The following LRP6 variants were observed in gnomAD, a reference collection of about 807,000 sequenced individuals.
LRP6 encodes the protein LDL receptor related protein 6.
In LRP6, 43 loss-of-function variants were observed where a neutral mutation model predicts 184.1. That is an observed-to-expected ratio of 0.23 (90% CI 0.18 to 0.30). The LOEUF (loss-of-function observed/expected upper bound fraction) is 0.30, where lower values mean the gene tolerates loss of function less well. Ranked by LOEUF, LRP6 falls within the 10% of genes least tolerant of loss-of-function variation. LRP6 has a pLI of 1.00. For synonymous variants in LRP6, 719 were observed against 684.9 expected (o/e 1.05, Z -0.78); for missense variants, 1,571 against 2,005.3 (o/e 0.78, Z 4.14).
At chr12:12,163,872 G>A (rs1360176037) in intron 9 of LRP6, among the ~76,000 whole-genome samples, 3 of 152,130 alleles carry the variant, frequency 2.0e-5, no homozygotes, top group Non-Finnish European at 2.9e-5. Context: ...GGTGGCTCAC[G>A]CCTGTAATCC....
At chr12:12,242,666 C>T (rs555430650) in intron 2 of LRP6, among the ~76,000 whole-genome samples, 3 of 152,352 alleles carry the variant, frequency 2.0e-5, no homozygotes, top group South Asian at 2.1e-4. Context: ...CTCCTCAGGA[C>T]ATCCAATCGT....
chr12:12,141,851 G>T (rs2136895663), intron 15 of LRP6, among the ~76,000 whole-genome samples: 1 of 152,260 alleles, frequency 6.6e-6, no homozygotes. Context: ...AAGTAATTAA[G>T]TCTAGACTTA....
intron 2 of LRP6, among the ~76,000 whole-genome samples, chr12:12,232,317 GAGC>G (rs1421398370): frequency 6.6e-6 from 1 of 151,216 alleles, no homozygotes; most frequent in East Asian, 1.9e-4. Flanking sequence ...CCAGGAGGCA[GAGC>G]CTGCAGTGAG....
At chr12:12,200,089 G>A (rs546114006) in intron 3 of LRP6, among the ~76,000 whole-genome samples, 6 of 151,204 alleles carry the variant, frequency 4.0e-5, no homozygotes, top group Non-Finnish European at 7.4e-5. Context: ...GGACATGAGT[G>A]CATGAGGGTG....
At chr12:12,218,476 CAAT>C (rs71435901) in intron 2 of LRP6, among the ~76,000 whole-genome samples, 34,517 of 139,670 alleles carry the variant, frequency 0.25, 4,458 homozygotes, top group African/African-American at 0.32. Flanking sequence ...GACCCTCTCT[CAAT>C]AATAATAATA....
intron 2 of LRP6, among the ~76,000 whole-genome samples, chr12:12,219,004 C>A (rs1260074017): frequency 6.6e-6 from 1 of 151,854 alleles, no homozygotes; most frequent in Non-Finnish European, 1.5e-5. Context: ...TTTGGGAGGC[C>A]GAGGCGGGTG....
chr12:12,215,683 G>A (rs1864324759), intron 2 of LRP6, among the ~76,000 whole-genome samples: 1 of 150,290 alleles, frequency 6.7e-6, no homozygotes, highest in South Asian at 2.2e-4. Context: ...AGTAGACAGT[G>A]TTTTCAGGTA....
Position 12,161,633 on chromosome 12 carries a change from A to T in LRP6, c.2279+560T>A, listed in dbSNP as rs377711412. Among the ~76,000 whole-genome samples, 807 of 152,280 alleles carry T rather than the reference A, an allele frequency of 5.3e-3. 9 individuals are homozygous for T. The highest frequency in any genetic ancestry group is 0.018 in the African/African-American group (741 of 41,546). ...TTCAGATTTCTTAGCTGCCGGCTTT[A>T]AAAAATTTGCTGACTCTTGTAAAAA... On this transcript the variant is annotated intron_variant, in intron 10 of 22. Coordinates refer to ENST00000261349, the MANE Select transcript of LRP6 (RefSeq NM_002336.3).
In LRP6 at chr12:12,156,054, G is replaced by A. The variant is rs571786968; in HGVS notation, c.2791+2775C>T. 2.0e-5 allele frequency among the ~76,000 whole-genome samples: 3 copies of A among 152,146 alleles called. No individual in the cohort carries two copies. In the South Asian group the frequency reaches 6.2e-4, roughly 32 times the overall value. ...GACAATAAGCAACAAATATAATAAA[G>A]AAGGAAGTGACATAAATAGTAGAGT... On this transcript the variant is annotated intron_variant, in intron 12 of 22. Transcript: ENST00000261349.
rs1454146497 is a variant in LRP6 at position 12,119,680 on chromosome 12, CT to C, written c.*1445del. ...AATCCTCATTGTTAAATTTGTTAAA[CT>C]ATCTTAATCCATAATGGGTAAGAGA... On this transcript the variant is annotated 3_prime_UTR_variant, in exon 23 of 23. Coordinates refer to ENST00000261349, the MANE Select transcript of LRP6 (RefSeq NM_002336.3). 6.6e-6 allele frequency: 1 copy of C among 152,034 alleles called. No homozygotes were observed. The highest frequency in any genetic ancestry group is 1.9e-4 in the East Asian group (1 of 5,192). The allele number at this position is 152,034 out of a possible 1,614,324, so 9.4% of individuals were successfully genotyped here.
chr12:12,257,558 G>A (rs530567485), intron 1 of LRP6, among the ~76,000 whole-genome samples: 1 of 146,046 alleles, frequency 6.8e-6, no homozygotes, highest in Non-Finnish European at 1.5e-5. Context: ...TCCAGCCTGG[G>A]CGACAGAGCA....
At chr12:12,264,471 G>A (rs1335354206) in intron 1 of LRP6, among the ~76,000 whole-genome samples, 1 of 152,016 alleles carries the variant, frequency 6.6e-6, no homozygotes. Context: ...ATAGAGATAG[G>A]GACACAGCAC....
intron 7 of LRP6, among the ~76,000 whole-genome samples, chr12:12,175,196 C>G (rs1863140421): frequency 6.6e-6 from 1 of 152,200 alleles, no homozygotes; most frequent in African/African-American, 2.4e-5. Flanking sequence ...CGAGGCCAGC[C>G]TGGCCAACAT....
intron 7 of LRP6, among the ~76,000 whole-genome samples, chr12:12,174,313 T>C (rs1205513998): frequency 6.6e-6 from 1 of 152,182 alleles, no homozygotes; most frequent in African/African-American, 2.4e-5. Context: ...GGTTTCACCA[T>C]GTTGGCCAGG....
chr12:12,175,232 T>C (rs1264558456), intron 7 of LRP6, among the ~76,000 whole-genome samples: 1 of 151,876 alleles, frequency 6.6e-6, no homozygotes, highest in Non-Finnish European at 1.5e-5. Flanking sequence ...CTACTAAAAA[T>C]ACAAAACTTA....
intron 1 of LRP6, chr12:12,248,879 C>T: frequency 1.3e-5 from 4 of 308,164 alleles, no homozygotes; most frequent in African/African-American, 2.2e-5. Flanking sequence ...CCTATTTTTT[C>T]TTGTCTTGTT....
intron 2 of LRP6, among the ~76,000 whole-genome samples, chr12:12,222,032 A>G (rs1864502428): frequency 6.6e-6 from 1 of 152,206 alleles, no homozygotes; most frequent in African/African-American, 2.4e-5. Context: ...GGAACAAAGT[A>G]ACAACTAAAA....
Position 12,158,845 on chromosome 12 carries a change from G to A in LRP6, c.2775C>T (p.Asp925=). ...GCAGCTTACCACTACAAGTCCTGTT[G>A]TCAGCATTAAGAGAGTAGTGGGCAG... is the stretch of plus-strand genomic sequence containing the variant. ...GCPAHYSLNA[D]NRTCSAPTTF... is the part of the protein sequence containing the mutation. Residue 925 remains aspartate (D), a synonymous_variant, in exon 12 of 23, where the codon GAC becomes GAT. Transcript: ENST00000261349. The A allele has an allele frequency of 6.2e-7, 1 of 1,614,122 alleles. No homozygotes were observed. The highest frequency in any genetic ancestry group is 1.1e-5 in the South Asian group (1 of 91,086).
intron 12 of LRP6, among the ~76,000 whole-genome samples, chr12:12,156,873 CCAT>C (rs1862593637): frequency 1.3e-5 from 2 of 152,226 alleles, no homozygotes; most frequent in African/African-American, 4.8e-5. Context: ...TCTTTTCTCT[CCAT>C]CAGAGTTAGC....
Sources: allele counts gnomAD v4.1 joint callset (sites outside exome capture counted in the v4.1 genomes callset), GRCh38; gene constraint gnomAD v4.1.1; transcripts MANE v1.5; gene names NCBI Gene and HGNC (gene_info 2026-07-23, HGNC 2026-07-21).